Variants in TNNI1 observed in about 807,000 individuals in gnomAD.
TNNI1 encodes troponin I, slow skeletal muscle.
In TNNI1, 14 loss-of-function variants were observed where a neutral mutation model predicts 26.7. The ratio of observed to expected loss-of-function variants is 0.52; its 90% CI spans 0.35 to 0.82. TNNI1 has a LOEUF of 0.82. Among genes scored for constraint, TNNI1 ranks in the 40% least tolerant of loss-of-function variants. The pLI is 0.01. For missense variants in TNNI1, 164 were observed against 257.0 expected, an observed-to-expected ratio of 0.64 and a Z score of 2.47; for synonymous variants, 79 against 98.2, an observed-to-expected ratio of 0.80 and a Z score of 1.16.
intron 2 of TNNI1, among the ~76,000 whole-genome samples, chr1:201,417,328 C>A (rs537105862): frequency 1.3e-5 from 2 of 152,136 alleles, no homozygotes; most frequent in Non-Finnish European, 2.9e-5. Context: ...TTCAACAGCC[C>A]TTTGAACTAC....
chr1:201,409,270 A>G lies in TNNI1; in HGVS notation c.*3-20T>C, dbSNP rs1662589478. ...GCTGGCCTGTAGGGACAAAGAGGCA[A>G]AGCCATCAGTTCCCGGGGACCTGTG... On this transcript the variant is annotated intron_variant, in intron 8 of 8. Transcript: ENST00000361379. The G allele has an allele frequency of 6.6e-6, 1 of 152,264 alleles. No individual in the cohort carries two copies. Among genetic ancestry groups the G allele is most frequent in the Non-Finnish European group, 1.5e-5 (1 of 68,076 alleles). 9.4% of individuals were successfully genotyped at this position (152,264 alleles called of 1,614,324 possible).
rs1293133268 is a variant in TNNI1 at position 201,410,342 on chromosome 1, G to A, written c.550C>T (p.Pro184Ser). The A allele has an allele frequency of 3.1e-6, 5 of 1,614,038 alleles. No individual in the cohort carries two copies. The highest frequency in any genetic ancestry group is 1.3e-5 in the African/African-American group (1 of 74,924). The change falls in exon 8 of 9, where the codon CCG (proline) becomes TCG (serine). Residue 184 changes from proline (P) to serine (S), a missense_variant. By Grantham distance (74) the Pro-to-Ser change is moderately conservative (BLOSUM62 -1). This residue lies in a region of TNNI1 where 43 missense variants were observed against 74.3 expected (regional missense o/e 0.58). Coordinates refer to ENST00000361379, the MANE Select transcript of TNNI1 (RefSeq NM_003281.4). ...RKKMFDAAKS[P>S]TSQ is the part of the protein sequence containing the mutation. ...TCTAGGTACCTCTATTGTGAGGTCG[G>A]AGACTTGGCGGCATCAAACATCTTC...
intron 7 of TNNI1, 75 bp from the exon 8 acceptor site, chr1:201,410,510 A>G (rs1558280565): frequency 1.6e-6 from 2 of 1,280,894 alleles, no homozygotes; most frequent in African/African-American, 1.5e-5. Flanking sequence ...GCTGGGTGAT[A>G]GGAAACCAGT....
At chr1:201,419,723 C>T (rs1057308567) in intron 1 of TNNI1, among the ~76,000 whole-genome samples, 16 of 152,218 alleles carry the variant, frequency 1.1e-4, no homozygotes, top group African/African-American at 1.4e-4. Flanking sequence ...AATCTCCCAA[C>T]GGGTCAGAAA....
rs989228202 is a variant in TNNI1 at position 201,411,874 on chromosome 1, G to A, written c.280-341C>T. Among the ~76,000 whole-genome samples, 19 of 152,090 alleles carry A rather than the reference G, an allele frequency of 1.2e-4. No individual in the cohort carries two copies. Among genetic ancestry groups the A allele is most frequent in the Admixed American group, 3.3e-4 (5 of 15,266 alleles). On this transcript the variant is annotated intron_variant, in intron 6 of 8. Transcript: ENST00000361379. This position sits in a 1 kb window ranked among gnomAD's most constrained non-coding sequence, Gnocchi z 4.6. The stretch of plus-strand genomic sequence containing the variant: ...ACTCCTGTGAGAATCTAATGCCGCC[G>A]CTGATCTGACAGGAGGCAGAGCTCA...
At position 201,404,253 on chromosome 1, in the gene TNNI1, G is replaced by A. The variant is rs544068555; in HGVS notation, c.*5000C>T. 6.6e-6 allele frequency: 1 copy of A among 152,296 alleles called. No homozygotes were observed. Among genetic ancestry groups the A allele is most frequent in the South Asian group, 2.1e-4 (1 of 4,804 alleles). 9.4% of individuals were successfully genotyped at this position (152,296 alleles called of 1,614,324 possible). A position where few individuals can be genotyped will look rare whatever the true frequency, so the allele number is the denominator to read the frequency against. ...GGGCAGCTTCCCCTTTCTCGGACAGGACAGAGTGGAGATCCAGGGGGATCC... is the reference window on the plus strand; with the variant it reads ...GGGCAGCTTCCCCTTTCTCGGACAGAACAGAGTGGAGATCCAGGGGGATCC... On this transcript the variant is annotated 3_prime_UTR_variant, in exon 9 of 9. Transcript: ENST00000361379.
chr1:201,410,218 C>G (rs1460967168), intron 8 of TNNI1, 108 bp downstream of exon 8: 1 of 903,708 alleles, frequency 1.1e-6, no homozygotes, highest in East Asian at 2.6e-5. Flanking sequence ...TGCCTTAGTC[C>G]GTGCATCCGT....
intron 5 of TNNI1, among the ~76,000 whole-genome samples, chr1:201,413,359 C>T (rs1447017637): frequency 2.0e-5 from 3 of 152,142 alleles, no homozygotes; most frequent in African/African-American, 4.8e-5. Flanking sequence ...ACCCAGGAGG[C>T]GGAGGTTGCA....
At chr1:201,420,650 G>A (rs946744058) in intron 1 of TNNI1, among the ~76,000 whole-genome samples, 6 of 152,114 alleles carry the variant, frequency 3.9e-5, no homozygotes, top group Admixed American at 1.3e-4. Flanking sequence ...CAATGATCAC[G>A]TCCACAAGTA....
intron 1 of TNNI1, among the ~76,000 whole-genome samples, chr1:201,419,445 GCC>G (rs1558284149): frequency 1.3e-5 from 2 of 152,198 alleles, no homozygotes; most frequent in Non-Finnish European, 2.9e-5. Context: ...GCGCACAGGA[GCC>G]CTGAGCCAGG....
Position 201,411,510 on chromosome 1 carries a change from C to G in TNNI1, c.303G>C (p.Val101=). Residue 101 remains valine, a synonymous_variant, in exon 7 of 9, where the codon GTG becomes GTC. Coordinates refer to ENST00000361379, the MANE Select transcript of TNNI1 (RefSeq NM_003281.4). This position sits in a 1 kb window ranked among gnomAD's most constrained non-coding sequence, Gnocchi z 4.6. ...GCTTGAACTTCCCACGGAGGTCCAT[C>G]ACCTTCAGCTTCAGGTCCTTAATCT... ...TREIKDLKLK[V]MDLRGKFKRP... The G allele has an allele frequency of 6.2e-7, 1 of 1,605,972 alleles. No homozygotes were observed. The highest frequency in any genetic ancestry group is 1.1e-5 in the South Asian group (1 of 89,728).
At chr1:201,413,791 C>A (rs1334595796) in intron 5 of TNNI1, among the ~76,000 whole-genome samples, 1 of 152,124 alleles carries the variant, frequency 6.6e-6, no homozygotes, top group Non-Finnish European at 1.5e-5. Context: ...CAGCCTCAAC[C>A]TCCTGGGCTC....
intron 3 of TNNI1, among the ~76,000 whole-genome samples, chr1:201,415,810 T>C (rs1662726910): frequency 6.6e-6 from 1 of 152,230 alleles, no homozygotes; most frequent in East Asian, 1.9e-4. Flanking sequence ...CAAATCTTTC[T>C]AAGATATAAA....
intron 1 of TNNI1, among the ~76,000 whole-genome samples, chr1:201,419,977 C>A (rs758743252): frequency 6.6e-6 from 1 of 152,242 alleles, no homozygotes; most frequent in African/African-American, 2.4e-5. Context: ...GAAACACCAG[C>A]TGGCGAAGAG....
At position 201,406,046 on chromosome 1, in the gene TNNI1, G is replaced by A. The variant is rs536163144; in HGVS notation, c.*3207C>T. 6.6e-6 allele frequency: 1 copy of A among 152,466 alleles called. No individual in the cohort carries two copies. Among genetic ancestry groups the A allele is most frequent in the Admixed American group, 6.5e-5 (1 of 15,298 alleles). 9.4% of individuals were successfully genotyped at this position (152,466 alleles called of 1,614,324 possible). On this transcript the variant is annotated 3_prime_UTR_variant, in exon 9 of 9. Coordinates refer to ENST00000361379, the MANE Select transcript of TNNI1 (RefSeq NM_003281.4). ...TGTTTCCCCTTTGGTGCGGGTGTGT[G>A]GGGACTCCCCAGGTGCATATGCAGG...
rs1435449351 is a variant in TNNI1 at position 201,406,208 on chromosome 1, A to C, written c.*3045T>G. On this transcript the variant is annotated 3_prime_UTR_variant, in exon 9 of 9. Transcript: ENST00000361379. The stretch of plus-strand genomic sequence containing the variant: ...CTGCAGCTAGCAAACCCTGTAACTT[A>C]GAGTGAGCTACTTGAACTCTCCAGG... The C allele has an allele frequency of 6.6e-6, 1 of 152,258 alleles. No homozygotes were observed. The highest frequency in any genetic ancestry group is 1.5e-5 in the Non-Finnish European group (1 of 68,062). The allele number at this position is 152,258 out of a possible 1,614,324, so 9.4% of individuals were successfully genotyped here.
chr1:201,413,157 A>G (rs1662668021), intron 5 of TNNI1, 36 bp from the exon 6 acceptor site: 1 of 1,609,778 alleles, frequency 6.2e-7, no homozygotes, highest in East Asian at 2.2e-5. Context: ...GGTGTGAAGA[A>G]GAGGGGAACA....
intron 1 of TNNI1, among the ~76,000 whole-genome samples, chr1:201,420,894 C>T (rs1662845313): frequency 6.6e-6 from 1 of 152,186 alleles, no homozygotes; most frequent in Admixed American, 6.5e-5. Flanking sequence ...CAGGGACCGC[C>T]ACACGGCCCC....
chr1:201,418,061 T>C (rs1378083890), intron 1 of TNNI1, among the ~76,000 whole-genome samples: 2 of 151,942 alleles, frequency 1.3e-5, no homozygotes, highest in African/African-American at 4.8e-5. Context: ...TTTTTTTTTT[T>C]TTTTAAGAAT....
Sources: gnomAD v4.1 joint callset for allele counts (sites outside exome capture counted in the v4.1 genomes callset) on GRCh38, gnomAD v4.1.1 for gene constraint, gnomAD v4.1.1 regional missense constraint, Gnocchi (gnomAD v3.1) non-coding constraint, MANE v1.5 for transcripts, NCBI Gene and HGNC (gene_info 2026-07-23, HGNC 2026-07-21) for gene names.